Variants in SYCP1 observed in about 807,000 individuals in gnomAD.
SYCP1 encodes synaptonemal complex protein 1.
In SYCP1, 64 loss-of-function variants were observed where a neutral mutation model predicts 153.1. That is an observed-to-expected ratio of 0.42 (90% CI 0.34 to 0.51). SYCP1 has a LOEUF of 0.51. Ranked by LOEUF, SYCP1 falls within the 20% of genes least tolerant of loss-of-function variation. SYCP1 has a pLI of 0.06. For missense variants in SYCP1, 997 were observed against 1,049.0 expected, an observed-to-expected ratio of 0.95 and a Z score of 0.68; for synonymous variants, 384 against 341.8, an observed-to-expected ratio of 1.12 and a Z score of -1.36.
intron 28 of SYCP1, 71 bp from the exon 29 acceptor site, chr1:114,981,264 CT>C: frequency 8.0e-7 from 1 of 1,242,736 alleles, no homozygotes; most frequent in Non-Finnish European, 1.1e-6. Context: ...AGTTGCTGCA[CT>C]TTAATTAAAG....
At chr1:114,972,714 A>T (rs1165274291) in intron 27 of SYCP1, among the ~76,000 whole-genome samples, 10 of 152,076 alleles carry the variant, frequency 6.6e-5, no homozygotes, top group Admixed American at 2.0e-4. Context: ...AGTTTCCAAA[A>T]TTCCCTTTGT....
intron 23 of SYCP1, among the ~76,000 whole-genome samples, chr1:114,928,030 AG>A (rs1433957936): frequency 1.1e-4 from 16 of 152,140 alleles, no homozygotes; most frequent in African/African-American, 3.9e-4. Flanking sequence ...CATGTTTCCC[AG>A]GCTGATCTGG....
intron 27 of SYCP1, among the ~76,000 whole-genome samples, chr1:114,961,976 C>CTTT (rs562251009): frequency 8.0e-6 from 1 of 124,406 alleles, no homozygotes; most frequent in Non-Finnish European, 1.7e-5. Flanking sequence ...TGCCATCTAT[C>CTTT]TTTTTTTTTT....
rs946645429 is a variant in SYCP1 at position 114,959,844 on chromosome 1, G to A, written c.2322+12524G>A. ...AGACAAGTGAGAACATGGAAAGTTT[G>A]TCTTTCTGTGCCTGGCTTATTTCAC... is the stretch of plus-strand genomic sequence containing the variant. On this transcript the variant is annotated intron_variant, in intron 27 of 31. Transcript: ENST00000369522. 3.3e-5 allele frequency among the ~76,000 whole-genome samples: 5 copies of A among 152,078 alleles called. No individual in the cohort carries two copies. In the East Asian group the frequency reaches 9.7e-4, roughly 29 times the overall value.
At position 114,937,655 on chromosome 1, in the gene SYCP1, T is replaced by G. The variant is rs1158650268; in HGVS notation, c.1927-6684T>G. Among the ~76,000 whole-genome samples, 7 of 151,896 alleles carry G rather than the reference T, an allele frequency of 4.6e-5. No homozygotes were observed. In the East Asian group the frequency reaches 9.7e-4, roughly 21 times the overall value. ...TTTTACAATCTACCCATCTGACAAA[T>G]GGCTAATATCCAGAATCTACAAAGA... On this transcript the variant is annotated intron_variant, in intron 23 of 31. Coordinates refer to ENST00000369522, the MANE Select transcript of SYCP1 (RefSeq NM_003176.4).
Position 114,946,340 on chromosome 1 carries a change from A to G in SYCP1, c.2206A>G (p.Lys736Glu). The change falls in exon 26 of 32, where the codon AAG becomes GAG. Residue 736 changes from lysine (K) to glutamate (E), a missense_variant. This residue lies in a region of SYCP1 where 712 missense variants were observed against 682.9 expected (regional missense o/e 1.04). Transcript: ENST00000369522. ...EERDSELGLY[K>E]SKEQEQSSLR... ...AAGAGACTCAGAATTAGGACTTTAT[A>G]AGAGCAAAGAACAAGAACAGTCATC... The G allele has an allele frequency of 6.3e-7, 1 of 1,587,892 alleles. No homozygotes were observed. The highest frequency in any genetic ancestry group is 1.1e-5 in the South Asian group (1 of 87,182).
chr1:114,993,752 A>G (rs1487663989), intron 30 of SYCP1, among the ~76,000 whole-genome samples: 1 of 151,466 alleles, frequency 6.6e-6, no homozygotes. Context: ...TTACCATCTT[A>G]ACTCTTTTTA....
At chr1:114,873,462 G>A (rs1333094482) in intron 8 of SYCP1, among the ~76,000 whole-genome samples, 2 of 152,150 alleles carry the variant, frequency 1.3e-5, no homozygotes, top group Admixed American at 1.3e-4. Flanking sequence ...GATGGCTAGA[G>A]GGGGATGGAG....
At chr1:114,873,889 G>A (rs1258799056) in intron 8 of SYCP1, among the ~76,000 whole-genome samples, 1 of 152,092 alleles carries the variant, frequency 6.6e-6, no homozygotes, top group African/African-American at 2.4e-5. Flanking sequence ...GTGGTACTAT[G>A]CTTGGAGAAT....
chr1:114,896,612 G>A (rs746732999), intron 16 of SYCP1, among the ~76,000 whole-genome samples: 1 of 152,148 alleles, frequency 6.6e-6, no homozygotes. Context: ...AATAAATAGT[G>A]GAATGAATGT....
At chr1:114,866,330 C>T (rs1664740620) in intron 8 of SYCP1, among the ~76,000 whole-genome samples, 1 of 152,134 alleles carries the variant, frequency 6.6e-6, no homozygotes, top group Non-Finnish European at 1.5e-5. Context: ...GTTCTATACT[C>T]TCACCAGCAT....
intron 30 of SYCP1, among the ~76,000 whole-genome samples, chr1:114,990,088 A>G (rs1053438719): frequency 1.3e-5 from 2 of 152,120 alleles, no homozygotes; most frequent in South Asian, 4.1e-4. Flanking sequence ...AGGATAGATC[A>G]TATGTTAGGT....
At chr1:114,904,140 G>A (rs1274620478) in intron 16 of SYCP1, among the ~76,000 whole-genome samples, 7 of 144,632 alleles carry the variant, frequency 4.8e-5, no homozygotes, top group Non-Finnish European at 7.5e-5. Flanking sequence ...TTTTTGAGAC[G>A]GAGTCTTGCT....
chr1:114,855,588 A>ACT lies in SYCP1; in HGVS notation c.108+19_108+20dup. 1 of 1,576,072 alleles carries ACT rather than the reference A, an allele frequency of 6.3e-7. No homozygotes were observed. Among genetic ancestry groups the ACT allele is most frequent in the Non-Finnish European group, 8.7e-7 (1 of 1,149,288 alleles). On this transcript the variant is annotated intron_variant, in intron 2 of 31. Coordinates refer to ENST00000369522, the MANE Select transcript of SYCP1 (RefSeq NM_003176.4). ...TTTCTTCAAGGTAAATTTCCATGTG[A>ACT]CTCTTAATTGGACTCTTCTTAACTT...
intron 8 of SYCP1, chr1:114,862,990 T>TA: frequency 6.6e-6 from 1 of 152,210 alleles, no homozygotes; most frequent in Admixed American, 6.5e-5. Flanking sequence ...CAAGAGTGTA[T>TA]ATTCCATGGT....
intron 8 of SYCP1, among the ~76,000 whole-genome samples, chr1:114,871,648 C>T (rs1030077465): frequency 1.3e-5 from 2 of 152,208 alleles, no homozygotes; most frequent in Non-Finnish European, 2.9e-5. Context: ...TCCTGGCTCA[C>T]TGCAACCTCC....
intron 23 of SYCP1, among the ~76,000 whole-genome samples, chr1:114,938,464 G>C (rs1670175101): frequency 6.6e-6 from 1 of 151,708 alleles, no homozygotes; most frequent in Non-Finnish European, 1.5e-5. Flanking sequence ...GAGTTAACAG[G>C]TACAGCACAC....
intron 2 of SYCP1, among the ~76,000 whole-genome samples, chr1:114,856,296 A>G (rs887549585): frequency 3.9e-5 from 6 of 152,194 alleles, no homozygotes; most frequent in African/African-American, 1.4e-4. Flanking sequence ...GTTCTATACT[A>G]CTAGTTAGAT....
At position 114,886,234 on chromosome 1, in the gene SYCP1, C is replaced by T. The variant is rs778236854; in HGVS notation, c.1115C>T (p.Ala372Val). The change falls in exon 14 of 32, where the codon GCT becomes GTT. Residue 372 changes from alanine (A) to valine (V), a missense_variant. Physicochemically the swap from Ala to Val is moderately conservative, Grantham distance 64. Coordinates refer to ENST00000369522, the MANE Select transcript of SYCP1 (RefSeq NM_003176.4). ...QMEESNKARAAHSFVVTEFET... is the reference protein window; with the variant it reads ...QMEESNKARAVHSFVVTEFET... ...GAAGAATCTAATAAAGCTAGAGCTG[C>T]TCATTCGTTTGTGGTTACTGAATTT... 3.1e-6 allele frequency: 5 copies of T among 1,609,590 alleles called. No homozygotes were observed. The highest frequency in any genetic ancestry group is 3.4e-5 in the Admixed American group (2 of 59,492).
Sources: allele counts gnomAD v4.1 joint callset (sites outside exome capture counted in the v4.1 genomes callset), GRCh38; gene constraint gnomAD v4.1.1; regional missense constraint gnomAD v4.1.1; transcripts MANE v1.5; gene names NCBI Gene and HGNC (gene_info 2026-07-23, HGNC 2026-07-21).